The following FASTK variants were observed in gnomAD, a reference collection of about 807,000 sequenced individuals.
The protein encoded by FASTK is Fas activated serine/threonine kinase, also known as fas-activated serine/threonine kinase.
In FASTK, 28 loss-of-function variants were observed where a neutral mutation model predicts 60.0. That is an observed-to-expected ratio of 0.47 (90% CI 0.35 to 0.64). FASTK has a LOEUF of 0.64. FASTK is among the 30% of genes least tolerant of loss of function. FASTK has a pLI of 0.01. For missense variants in FASTK, 595 were observed against 713.8 expected, an observed-to-expected ratio of 0.83 and a Z score of 1.90; for synonymous variants, 325 against 307.9, an observed-to-expected ratio of 1.06 and a Z score of -0.58.
chr7:151,078,738 G>A (rs1198318377), intron 3 of FASTK, 37 bp from the exon 4 acceptor site: 3 of 1,611,356 alleles, frequency 1.9e-6, no homozygotes, highest in Non-Finnish European at 2.5e-6. Flanking sequence ...GCCTCAGCCG[G>A]ACCTCCGGCT....
chr7:151,080,576 G>A (rs1797934317), intron 1 of FASTK, 109 bp downstream of exon 1: 2 of 1,322,642 alleles, frequency 1.5e-6, no homozygotes, highest in African/African-American at 1.5e-5. Flanking sequence ...GCGAAGTCGG[G>A]GGCCCCAACA....
In FASTK at chr7:151,078,637, G is replaced by A. The variant is rs149638297; in HGVS notation, c.750C>T (p.His250=). 547 of 1,613,484 alleles carry A rather than the reference G, an allele frequency of 3.4e-4. 1 individual carries two copies. The African/African-American group carries it at 6.6e-3, about 20-fold the overall frequency. The stretch of plus-strand genomic sequence containing the variant: ...CCAGAAGCTGGGGCTCCCGCAACCG[G>A]TGCCGGGCCAGGTGCTGGGCCAGGA... The part of the protein sequence containing the change: ...MVLLAQHLAR[H]RLREPQLLEA... The change falls in exon 4 of 10, where the codon CAC becomes CAT. Residue 250 remains histidine (H), a synonymous_variant. Transcript: ENST00000297532.
rs376276704 is a variant in FASTK, at chr7:151,078,976, C to T, written c.551G>A (p.Arg184Gln). The change falls in exon 3 of 10, where the codon CGA becomes CAA. Residue 184 changes from arginine (R) to glutamine (Q), a missense_variant. This residue lies in a region of FASTK where 471 missense variants were observed against 605.9 expected (regional missense o/e 0.78). Transcript: ENST00000297532. ...TGGCTTCGGAGGGAGGCGGAGCCTT[C>T]GCTCCTGTTCCAGGGCACACACCAG... ...GPLVCALEQE[R>Q]RLRLPPKPPP... The T allele has an allele frequency of 3.1e-5, 48 of 1,540,790 alleles. No homozygotes were observed. Among genetic ancestry groups the T allele is most frequent in the Non-Finnish European group, 4.1e-5 (47 of 1,148,560 alleles).
At chr7:151,078,456 G>A (rs1323180591) in intron 4 of FASTK, 106 bp downstream of exon 4, 7 of 1,266,834 alleles carry the variant, frequency 5.5e-6, no homozygotes, top group Middle Eastern at 2.6e-4. Context: ...GGACAGAGAG[G>A]GTGTGTCTGC....
Position 151,077,030 on chromosome 7 carries a change from G to A in FASTK, c.1428-3C>T, listed in dbSNP as rs754684863. The A allele has an allele frequency of 1.2e-6, 2 of 1,612,470 alleles. No homozygotes were observed. The highest frequency in any genetic ancestry group is 3.3e-5 in the Admixed American group (2 of 59,996). The stretch of plus-strand genomic sequence containing the variant: ...GTTCCCGCAACACCAGCACCACCCT[G>A]CAGGGGGAGGGACGTGGCTCAGGGC... On this transcript the variant is annotated splice_polypyrimidine_tract_variant and splice_region_variant and intron_variant, in intron 8 of 9. Coordinates refer to ENST00000297532, the MANE Select transcript of FASTK (RefSeq NM_006712.5).
chr7:151,080,647 T>G (rs1797938555), intron 1 of FASTK, 38 bp downstream of exon 1: 1 of 1,424,036 alleles, frequency 7.0e-7, no homozygotes, highest in South Asian at 1.4e-5. Context: ...CAGCTCCCGC[T>G]GCCCTCCCGC....
At position 151,079,027 on chromosome 7, in the gene FASTK, G is replaced by C. The variant is rs1302067752; in HGVS notation, c.506-6C>G. On this transcript the variant is annotated splice_region_variant and splice_polypyrimidine_tract_variant and intron_variant, in intron 2 of 9. Transcript: ENST00000297532. Reference sequence around the variant, plus strand: ...GGGACCATCAGATGGAAAGCCTGAGGGGGAGAGGTAAAAGGCAGCCTGGTA... The same window carrying C: ...GGGACCATCAGATGGAAAGCCTGAGCGGGAGAGGTAAAAGGCAGCCTGGTA... 1 of 1,458,186 alleles carries C rather than the reference G, an allele frequency of 6.9e-7. No homozygotes were observed. The highest frequency in any genetic ancestry group is 9.0e-7 in the Non-Finnish European group (1 of 1,105,620). The allele number at this position is 1,458,186 out of a possible 1,614,324, so 90.3% of individuals were successfully genotyped here.
chr7:151,080,673 C>A lies in FASTK; in HGVS notation c.82+12G>T. ...GCCCTCCCGCAGCCCTCCCCGCAGG[C>A]GCCACCCCTACATGACTCCCCGGGC... On this transcript the variant is annotated intron_variant, in intron 1 of 9. Coordinates refer to ENST00000297532, the MANE Select transcript of FASTK (RefSeq NM_006712.5). The A allele has an allele frequency of 7.0e-7, 1 of 1,438,578 alleles. No homozygotes were observed. Among genetic ancestry groups the A allele is most frequent in the Non-Finnish European group, 9.1e-7 (1 of 1,101,298 alleles). 89.1% of individuals were successfully genotyped at this position (1,438,578 alleles called of 1,614,324 possible).
chr7:151,078,296 G>A (rs563496333), intron 4 of FASTK, among the ~76,000 whole-genome samples: 2 of 152,320 alleles, frequency 1.3e-5, no homozygotes, highest in African/African-American at 4.8e-5. Context: ...ACATCGCTGT[G>A]GGGTCTGGCC....
chr7:151,080,159 T>G, intron 1 of FASTK: 1 of 527,526 alleles, frequency 1.9e-6, no homozygotes. Flanking sequence ...ACATGCACCA[T>G]CTCTGATGCT....
rs751117999 is a variant in FASTK, at chr7:151,077,215, C to G, written c.1313G>C (p.Ser438Thr). The G allele has an allele frequency of 6.2e-7, 1 of 1,612,708 alleles. No homozygotes were observed. Among genetic ancestry groups the G allele is most frequent in the African/African-American group, 1.3e-5 (1 of 75,058 alleles). Reference protein sequence around the residue: ...YCTDFLLCASSSGAVLPVRTQ... With the variant: ...YCTDFLLCASTSGAVLPVRTQ... ...CCTCACGGGAAGCACAGCACCAGAG[C>G]TGCTGGCGCACAGCAGGAAGTCTGG... Residue 438 changes from serine to threonine, a missense_variant, in exon 8 of 10, where the codon AGC becomes ACC. This residue lies in a region of FASTK where 471 missense variants were observed against 605.9 expected (regional missense o/e 0.78). Coordinates refer to ENST00000297532, the MANE Select transcript of FASTK (RefSeq NM_006712.5).
chr7:151,077,663 A>G lies in FASTK; in HGVS notation c.1157T>C (p.Phe386Ser). 1 of 1,572,510 alleles carries G rather than the reference A, an allele frequency of 6.4e-7. No homozygotes were observed. The highest frequency in any genetic ancestry group is 8.6e-7 in the Non-Finnish European group (1 of 1,159,498). The change falls in exon 6 of 10, where the codon TTT becomes TCT. Residue 386 changes from phenylalanine to serine, a missense_variant. By Grantham distance (155) the Phe-to-Ser change is radical. This residue lies in a region of FASTK where 471 missense variants were observed against 605.9 expected (regional missense o/e 0.78). Coordinates refer to ENST00000297532, the MANE Select transcript of FASTK (RefSeq NM_006712.5). ...ACGGTCGGTGATGAGAGGCTGGGGAAAGATGGGCACTTGCTGCCTTCGGGG... is the reference window on the plus strand; with the variant it reads ...ACGGTCGGTGATGAGAGGCTGGGGAGAGATGGGCACTTGCTGCCTTCGGGG... The part of the protein sequence containing the change: ...RLPRRQQVPI[F>S]PQPLITDRAR...
Position 151,077,754 on chromosome 7 carries a change from G to A in FASTK, c.1066C>T (p.Arg356Cys), listed in dbSNP as rs762714514. 3 of 1,597,992 alleles carry A rather than the reference G, an allele frequency of 1.9e-6. No homozygotes were observed. The highest frequency in any genetic ancestry group is 1.1e-5 in the South Asian group (1 of 89,890). Residue 356 changes from arginine to cysteine, a missense_variant, in exon 6 of 10, where the codon CGC (arginine) becomes TGC (cysteine). By Grantham distance (180) the Arg-to-Cys change is radical. Around this residue, in one of 2 missense-constraint regions of FASTK, gnomAD observed 471 missense variants for 605.9 expected, o/e 0.78. Transcript: ENST00000297532. ...GCCGTGTCCAGCAGGGAGAGGTAGC[G>A]ACGCACAATCAGAGCATGAGGGGTG... ...SGTPHALIVR[R>C]YLSLLDTAVE...
intron 4 of FASTK, 32 bp downstream of exon 4, chr7:151,078,530 G>A: frequency 6.2e-7 from 1 of 1,608,518 alleles, no homozygotes; most frequent in East Asian, 2.2e-5. Context: ...GAGAATGACA[G>A]AGATGCACTG....
intron 1 of FASTK, 150 bp from the exon 2 acceptor site, chr7:151,080,072 TGCCTCCTTCCAC>T: frequency 1.5e-6 from 1 of 662,400 alleles, no homozygotes. Flanking sequence ...CCCGCCCCTC[TGCCTCCTTCCAC>T]GCCTTTGAAA....
In FASTK at chr7:151,080,678, C is replaced by A. The variant is rs1046699503; in HGVS notation, c.82+7G>T. 2 of 1,438,676 alleles carry A rather than the reference C, an allele frequency of 1.4e-6. No individual in the cohort carries two copies. The highest frequency in any genetic ancestry group is 1.8e-6 in the Non-Finnish European group (2 of 1,101,482). The allele number at this position is 1,438,676 out of a possible 1,614,324, so 89.1% of individuals were successfully genotyped here. On this transcript the variant is annotated splice_region_variant and intron_variant, in intron 1 of 9. Transcript: ENST00000297532. ...CCCGCAGCCCTCCCCGCAGGCGCCACCCCTACATGACTCCCCGGGCCCTGC... is the reference window on the plus strand; with the variant it reads ...CCCGCAGCCCTCCCCGCAGGCGCCAACCCTACATGACTCCCCGGGCCCTGC...
Position 151,077,702 on chromosome 7 carries a change from C to T in FASTK, c.1118G>A (p.Arg373Gln), listed in dbSNP as rs753074020. 10 of 1,590,406 alleles carry T rather than the reference C, an allele frequency of 6.3e-6. No homozygotes were observed. The highest frequency in any genetic ancestry group is 5.4e-5 in the African/African-American group (4 of 73,716). The change falls in exon 6 of 10, where the codon CGG (arginine) becomes CAG (glutamine). Residue 373 changes from arginine (R) to glutamine (Q), a missense_variant. This residue lies in a region of FASTK where 471 missense variants were observed against 605.9 expected (regional missense o/e 0.78). Coordinates refer to ENST00000297532, the MANE Select transcript of FASTK (RefSeq NM_006712.5). Reference sequence around the variant, plus strand: ...CTGCCTTCGGGGAAGGCGGGGACCCCGGTATCCTGGGAGCTCCAGCTCCAC... The same window carrying T: ...CTGCCTTCGGGGAAGGCGGGGACCCTGGTATCCTGGGAGCTCCAGCTCCAC... Reference protein sequence around the residue: ...TAVELELPGYRGPRLPRRQQV... With the variant: ...TAVELELPGYQGPRLPRRQQV...
In FASTK at chr7:151,076,688, C is replaced by T. The variant is rs753927811; in HGVS notation, c.*37G>A. 7.4e-7 allele frequency: 1 copy of T among 1,349,168 alleles called. No homozygotes were observed. The allele number at this position is 1,349,168 out of a possible 1,614,324, so 83.6% of individuals were successfully genotyped here. On this transcript the variant is annotated 3_prime_UTR_variant, in exon 10 of 10. Coordinates refer to ENST00000297532, the MANE Select transcript of FASTK (RefSeq NM_006712.5). ...GAACCAAAGTGCAAATCATCCACCC[C>T]CCATGGGGGGGCCATCCTGAACCCC...
At chr7:151,077,600 G>A in intron 6 of FASTK, 21 bp downstream of exon 6, 1 of 1,530,952 alleles carries the variant, frequency 6.5e-7, no homozygotes, top group Non-Finnish European at 8.8e-7. Context: ...CCCTCCCCTT[G>A]CCCCAGGCTG....
Sources: gnomAD v4.1 joint callset for allele counts (sites outside exome capture counted in the v4.1 genomes callset) on GRCh38, gnomAD v4.1.1 for gene constraint, gnomAD v4.1.1 regional missense constraint, MANE v1.5 for transcripts, NCBI Gene and HGNC (gene_info 2026-07-23, HGNC 2026-07-21) for gene names.